Variants in FHIT observed in about 807,000 individuals in gnomAD.
FHIT encodes the protein bis(5'-adenosyl)-triphosphatase.
FHIT carries 19 observed loss-of-function variants against 17.9 expected under a neutral mutation model. The ratio of observed to expected loss-of-function variants is 1.06; its 90% CI spans 0.74 to 1.56. The LOEUF (loss-of-function observed/expected upper bound fraction) is 1.56. Ranked by LOEUF, FHIT falls within the 40% of genes most tolerant of loss-of-function variation. The pLI, the probability that FHIT is intolerant of heterozygous loss-of-function variation, is 0.00. For missense variants in FHIT, 248 were observed against 189.2 expected, an observed-to-expected ratio of 1.31 and a Z score of -1.82; for synonymous variants, 81 against 69.7, an observed-to-expected ratio of 1.16 and a Z score of -0.81.
At chr3:60,146,535 G>C (rs979517201) in intron 5 of FHIT, among the ~76,000 whole-genome samples, 8 of 152,144 alleles carry the variant, frequency 5.3e-5, no homozygotes, top group East Asian at 3.9e-4. Context: ...TAAATAGGTT[G>C]GCTTTGGATC....
intron 5 of FHIT, among the ~76,000 whole-genome samples, chr3:60,266,612 T>C (rs557972300): frequency 1.3e-5 from 2 of 152,164 alleles, no homozygotes; most frequent in African/African-American, 2.4e-5. Flanking sequence ...AAGGAGGAGT[T>C]AGATCCTCAG....
intron 4 of FHIT, among the ~76,000 whole-genome samples, chr3:60,722,528 T>C (rs1324569325): frequency 1.3e-5 from 2 of 152,134 alleles, no homozygotes; most frequent in African/African-American, 4.8e-5. Context: ...GCCTAGGTCA[T>C]TCTTTGCTGT....
rs2033544712 is a variant in FHIT, at chr3:61,042,078, G to A, written c.-142C>T. 1 of 152,204 alleles carries A rather than the reference G, an allele frequency of 6.6e-6. No homozygotes were observed. Among genetic ancestry groups the A allele is most frequent in the African/African-American group, 2.4e-5 (1 of 41,442 alleles). 9.4% of individuals were successfully genotyped at this position (152,204 alleles called of 1,614,324 possible). A position where few individuals can be genotyped will look rare whatever the true frequency, so the allele number is the denominator to read the frequency against. ...TCTCTTTCTCTCCCTTCCACCGTCT[G>A]GATGTAGATAGCACTACGGACCTAG... On this transcript the variant is annotated 5_prime_UTR_variant, in exon 3 of 10. Coordinates refer to ENST00000492590, the MANE Select transcript of FHIT (RefSeq NM_002012.4).
chr3:60,823,944 A>G (rs1702026238), intron 3 of FHIT, among the ~76,000 whole-genome samples: 1 of 152,194 alleles, frequency 6.6e-6, no homozygotes, highest in African/African-American at 2.4e-5. Context: ...ATGTTAGAAC[A>G]GCAGGGAGGC....
At chr3:61,079,310 A>G (rs866352552) in intron 2 of FHIT, among the ~76,000 whole-genome samples, 5 of 152,200 alleles carry the variant, frequency 3.3e-5, no homozygotes, top group South Asian at 2.1e-4. Context: ...TGCCAAACCC[A>G]TAAAGCCAAA....
intron 2 of FHIT, among the ~76,000 whole-genome samples, chr3:61,121,096 G>A (rs1329364509): frequency 2.6e-5 from 4 of 152,164 alleles, no homozygotes; most frequent in South Asian, 4.1e-4. Context: ...GGAACTATGT[G>A]AAAAGACCAA....
intron 5 of FHIT, among the ~76,000 whole-genome samples, chr3:60,072,830 T>C (rs561052831): frequency 6.6e-6 from 1 of 152,348 alleles, no homozygotes; most frequent in Admixed American, 6.5e-5. Flanking sequence ...AATTATTCAT[T>C]ATTTTGTCTA....
At chr3:60,701,716 C>T (rs72875002) in intron 4 of FHIT, among the ~76,000 whole-genome samples, 17,736 of 152,126 alleles carry the variant, frequency 0.12, 2,299 homozygotes, top group African/African-American at 0.32. Flanking sequence ...TTTAGAATCT[C>T]GCAGCCTCCA....
chr3:60,323,478 C>A (rs1709525090), intron 5 of FHIT, among the ~76,000 whole-genome samples: 1 of 151,980 alleles, frequency 6.6e-6, no homozygotes, highest in Non-Finnish European at 1.5e-5. Context: ...AAAATGAAGC[C>A]CAGGGAGGTC....
At chr3:60,560,059 T>G (rs941863247) in intron 4 of FHIT, among the ~76,000 whole-genome samples, 2 of 151,888 alleles carry the variant, frequency 1.3e-5, no homozygotes, top group African/African-American at 4.8e-5. Flanking sequence ...AAAATTAAAC[T>G]GTAACATGGT....
chr3:60,044,800 T>C (rs1008166855), intron 5 of FHIT, among the ~76,000 whole-genome samples: 1 of 152,118 alleles, frequency 6.6e-6, no homozygotes. Context: ...CTTACCCTCT[T>C]TTCTGATTGT....
At chr3:59,872,643 G>C (rs181944369) in intron 8 of FHIT, among the ~76,000 whole-genome samples, 1 of 152,168 alleles carries the variant, frequency 6.6e-6, no homozygotes, top group Non-Finnish European at 1.5e-5. Context: ...TTTAAAAAAA[G>C]AACTCTGAAG....
chr3:60,865,162 C>CA (rs35545949), intron 3 of FHIT, among the ~76,000 whole-genome samples: 1 of 151,974 alleles, frequency 6.6e-6, no homozygotes. Flanking sequence ...ATGTGTTGAC[C>CA]AAAAAACTAA....
intron 5 of FHIT, among the ~76,000 whole-genome samples, chr3:60,260,695 G>GTATTTCCA (rs1306703205): frequency 6.6e-6 from 1 of 152,004 alleles, no homozygotes; most frequent in African/African-American, 2.4e-5. Flanking sequence ...CTACTGGGCT[G>GTATTTCCA]TATTTCCAGG....
chr3:60,462,702 G>A (rs1472877095), intron 5 of FHIT, among the ~76,000 whole-genome samples: 1 of 152,170 alleles, frequency 6.6e-6, no homozygotes, highest in African/African-American at 2.4e-5. Flanking sequence ...GTGGCAAACA[G>A]GAGGTTATGG....
At chr3:60,136,255 TACTTCC>T (rs1559666305) in intron 5 of FHIT, among the ~76,000 whole-genome samples, 148 of 152,292 alleles carry the variant, frequency 9.7e-4, no homozygotes, top group African/African-American at 3.4e-3. Context: ...ATGTCAAGGT[TACTTCC>T]CAGCTGCCAT....
intron 2 of FHIT, among the ~76,000 whole-genome samples, chr3:61,194,908 T>C (rs2038812700): frequency 6.6e-6 from 1 of 151,732 alleles, no homozygotes; most frequent in Non-Finnish European, 1.5e-5. Context: ...TCTGAAATAA[T>C]TTCACACCTA....
intron 4 of FHIT, among the ~76,000 whole-genome samples, chr3:60,719,597 G>A (rs1235351130): frequency 6.6e-6 from 1 of 152,176 alleles, no homozygotes; most frequent in African/African-American, 2.4e-5. Context: ...TGAACTGGCA[G>A]CGTCAGCAGC....
intron 5 of FHIT, among the ~76,000 whole-genome samples, chr3:60,401,049 G>A (rs17062981): frequency 0.049 from 7,447 of 151,994 alleles, 604 homozygotes; most frequent in African/African-American, 0.17. Context: ...TCATTGATAC[G>A]GCTGGCCTGC....
Sources: gnomAD v4.1 joint callset for allele counts (sites outside exome capture counted in the v4.1 genomes callset) on GRCh38, gnomAD v4.1.1 for gene constraint, MANE v1.5 for transcripts, NCBI Gene and HGNC (gene_info 2026-07-23, HGNC 2026-07-21) for gene names.